The following SPAG17 variants were observed in gnomAD, a reference collection of about 807,000 sequenced individuals.
The protein encoded by SPAG17 is sperm-associated antigen 17.
A neutral mutation model predicts 273.6 loss-of-function variants in SPAG17; 169 were observed. The ratio of observed to expected loss-of-function variants is 0.62; its 90% CI spans 0.55 to 0.70. The LOEUF is 0.70. Ranked by LOEUF, SPAG17 falls within the 30% of genes least tolerant of loss-of-function variation. The pLI is 0.00. For synonymous variants in SPAG17, 825 were observed against 873.2 expected (o/e 0.94, Z 0.97); for missense variants, 2,557 against 2,627.8 (o/e 0.97, Z 0.59).
intron 48 of SPAG17, chr1:117,959,361 A>G (rs891645466): frequency 6.2e-7 from 1 of 1,613,992 alleles, no homozygotes; most frequent in Non-Finnish European, 8.5e-7. Context: ...AAGTGAAGTT[A>G]TGTTTTTTGC....
intron 23 of SPAG17, 92 bp downstream of exon 23, chr1:118,039,200 A>G: frequency 7.4e-7 from 1 of 1,359,606 alleles, no homozygotes; most frequent in Non-Finnish European, 1.0e-6. Flanking sequence ...CTTGAGAAAA[A>G]GAACATGCAA....
intron 20 of SPAG17, among the ~76,000 whole-genome samples, chr1:118,048,040 T>C (rs1650568565): frequency 6.6e-6 from 1 of 152,000 alleles, no homozygotes; most frequent in South Asian, 2.1e-4. Flanking sequence ...GCTGGCTACA[T>C]GGTTCTAGGA....
At chr1:118,177,117 C>A (rs1660730356) in intron 1 of SPAG17, among the ~76,000 whole-genome samples, 1 of 152,252 alleles carries the variant, frequency 6.6e-6, no homozygotes, top group South Asian at 2.1e-4. Flanking sequence ...AATAAAACAA[C>A]TTAATAATTA....
chr1:118,124,046 C>T (rs1657565936), intron 3 of SPAG17, among the ~76,000 whole-genome samples: 2 of 152,122 alleles, frequency 1.3e-5, no homozygotes, highest in African/African-American at 4.8e-5. Context: ...GCAAAGCTTC[C>T]TTTTTATTAA....
At chr1:117,985,500 G>A (rs1656305583) in intron 40 of SPAG17, among the ~76,000 whole-genome samples, 1 of 152,190 alleles carries the variant, frequency 6.6e-6, no homozygotes, top group African/African-American at 2.4e-5. Context: ...GCTTGAGCAT[G>A]GAAATGATGT....
intron 1 of SPAG17, among the ~76,000 whole-genome samples, chr1:118,175,119 C>T (rs764560884): frequency 2.0e-4 from 30 of 152,278 alleles, no homozygotes; most frequent in Middle Eastern, 3.4e-3. Context: ...CAACCTCCAC[C>T]TCCCAGATTC....
intron 3 of SPAG17, among the ~76,000 whole-genome samples, chr1:118,148,081 A>G (rs1235514003): frequency 6.6e-6 from 1 of 152,202 alleles, no homozygotes; most frequent in Non-Finnish European, 1.5e-5. Flanking sequence ...GAGGTTTCTA[A>G]AAAGTTACCA....
At chr1:117,985,857 C>A (rs972053604) in intron 40 of SPAG17, among the ~76,000 whole-genome samples, 3 of 152,034 alleles carry the variant, frequency 2.0e-5, no homozygotes, top group Non-Finnish European at 4.4e-5. Context: ...ATCACATTAC[C>A]AATAAAGGGT....
chr1:117,972,095 A>G, intron 44 of SPAG17, 48 bp from the exon 45 acceptor site: 3 of 1,493,044 alleles, frequency 2.0e-6, no homozygotes, highest in Non-Finnish European at 2.7e-6. Context: ...TTGAGTTCCC[A>G]AGATTAAAAA....
Position 117,999,459 on chromosome 1 carries a change from TC to T in SPAG17, c.4777-2717del, listed in dbSNP as rs1658025660. 1.3e-5 allele frequency among the ~76,000 whole-genome samples: 2 copies of T among 152,200 alleles called. 1 individual carries two copies. The highest frequency in any genetic ancestry group is 4.1e-4 in the South Asian group (2 of 4,824). ...ACACTCCCACCAACTGTAAAAGTGT[TC>T]CTATTTCTCCACATCCTCTCCAGCA... On this transcript the variant is annotated intron_variant, in intron 32 of 48. Transcript: ENST00000336338.
intron 15 of SPAG17, among the ~76,000 whole-genome samples, chr1:118,075,353 T>C (rs1029435416): frequency 1.3e-5 from 2 of 152,174 alleles, no homozygotes; most frequent in African/African-American, 4.8e-5. Flanking sequence ...TCCTTGGCTA[T>C]GAAGCAAACA....
In SPAG17 at chr1:117,981,345, T is replaced by C; in HGVS notation, c.5929A>G (p.Lys1977Glu). 7 of 1,601,790 alleles carry C rather than the reference T, an allele frequency of 4.4e-6. No individual in the cohort carries two copies. Among genetic ancestry groups the C allele is most frequent in the Non-Finnish European group, 5.1e-6 (6 of 1,177,306 alleles). ...TTCTTATCTGCAGAAATCTCTGGTT[T>C]TGGAAGACTAGGCACACTTGAGGAT... ...QKSSSVPSLP[K>E]PEISADKKDF... The change falls in exon 43 of 49, where the codon AAA (lysine) becomes GAA (glutamate). Residue 1977 changes from lysine (K) to glutamate (E), a missense_variant. Coordinates refer to ENST00000336338, the MANE Select transcript of SPAG17 (RefSeq NM_206996.4).
At chr1:118,120,294 A>C (rs934820878) in intron 3 of SPAG17, among the ~76,000 whole-genome samples, 3 of 149,004 alleles carry the variant, frequency 2.0e-5, no homozygotes, top group Admixed American at 6.7e-5. Flanking sequence ...AAAAAAAAAC[A>C]AATTTTTAAT....
At position 117,971,872 on chromosome 1, in the gene SPAG17, T is replaced by G. The variant is rs145349282; in HGVS notation, c.6317A>C (p.Asp2106Ala). The G allele has an allele frequency of 5.6e-6, 9 of 1,612,728 alleles. No homozygotes were observed. The African/African-American group carries it at 9.4e-5, about 17-fold the overall frequency. Residue 2106 changes from aspartate to alanine, a missense_variant, in exon 45 of 49, where the codon GAC becomes GCC. Transcript: ENST00000336338. The part of the protein sequence containing the change: ...TVVKLKNVGV[D>A]FCRFKVKQPP... ...GGTCCCTTGGCCTCACCTGCAGAAG[T>G]CCACTCCAACATTCTTGAGCTTTAC...
intron 4 of SPAG17, among the ~76,000 whole-genome samples, chr1:118,111,889 A>G (rs1208410173): frequency 2.0e-5 from 3 of 152,200 alleles, no homozygotes; most frequent in African/African-American, 7.2e-5. Flanking sequence ...ATGAGCTAGC[A>G]AAAGAAAGAA....
intron 18 of SPAG17, 73 bp downstream of exon 18, chr1:118,066,671 AC>A (rs1214871757): frequency 4.4e-5 from 57 of 1,299,948 alleles, no homozygotes; most frequent in Non-Finnish European, 6.0e-5. Flanking sequence ...AGGAACTAAC[AC>A]CTAAGTAACT....
intron 7 of SPAG17, among the ~76,000 whole-genome samples, chr1:118,096,511 G>A (rs968615158): frequency 2.6e-5 from 4 of 151,882 alleles, no homozygotes; most frequent in Admixed American, 6.6e-5. Flanking sequence ...GAAATATATC[G>A]TCCTGCAGGG....
At chr1:117,988,328 C>G (rs569572245) in intron 38 of SPAG17, 124 bp from the exon 39 acceptor site, 1 of 592,480 alleles carries the variant, frequency 1.7e-6, no homozygotes, top group African/African-American at 1.9e-5. Flanking sequence ...CAAGTGTTTA[C>G]TAGGACTTAC....
chr1:117,957,192 C>T (rs770550642), intron 48 of SPAG17: 2 of 1,610,444 alleles, frequency 1.2e-6, no homozygotes, highest in Non-Finnish European at 1.7e-6. Context: ...CTTCTTCCTC[C>T]TTAGGTAACA....
Sources: allele counts gnomAD v4.1 joint callset (sites outside exome capture counted in the v4.1 genomes callset), GRCh38; gene constraint gnomAD v4.1.1; transcripts MANE v1.5; gene names NCBI Gene and HGNC (gene_info 2026-07-23, HGNC 2026-07-21).